The following SP6 variants were observed in gnomAD, a reference collection of about 807,000 sequenced individuals.
SP6 encodes transcription factor Sp6.
A neutral mutation model predicts 23.4 loss-of-function variants in SP6; 10 were observed. That is an observed-to-expected ratio of 0.43 (90% CI 0.26 to 0.72). SP6 has a LOEUF of 0.72. Among genes scored for constraint, SP6 ranks in the 30% least tolerant of loss-of-function variants. SP6 has a pLI of 0.23. For synonymous variants in SP6, 238 were observed against 238.7 expected (o/e 1.00, Z 0.03); for missense variants, 482 against 523.8 (o/e 0.92, Z 0.78).
chr17:47,860,700 CA>C (rs57640996), upstream of SP6, among the ~76,000 whole-genome samples: 34,135 of 109,400 alleles, frequency 0.31, 4,426 homozygotes, highest in Non-Finnish European at 0.37. Context: ...TCCGACTCTA[CA>C]AAAAAAAAAA....
At chr17:47,874,532 C>A in the SP6 span, among the ~76,000 whole-genome samples, 1 of 152,166 alleles carries the variant, frequency 6.6e-6, no homozygotes, top group Admixed American at 6.5e-5. Flanking sequence ...CAGAGCAAGA[C>A]CTCCTTTCTA....
At chr17:47,868,237 C>A in the SP6 span, among the ~76,000 whole-genome samples, 1 of 152,228 alleles carries the variant, frequency 6.6e-6, no homozygotes, top group African/African-American at 2.4e-5. Flanking sequence ...CACACACTCT[C>A]CACTCCCATT....
chr17:47,875,514 G>C, the SP6 span, among the ~76,000 whole-genome samples: 2 of 152,278 alleles, frequency 1.3e-5, no homozygotes, highest in African/African-American at 2.4e-5. Flanking sequence ...CCTGCCCTGA[G>C]AACCCACCAC....
At chr17:47,872,988 C>T in the SP6 span, among the ~76,000 whole-genome samples, 3 of 152,176 alleles carry the variant, frequency 2.0e-5, no homozygotes, top group African/African-American at 4.8e-5. Context: ...TCTGAACCCC[C>T]CTTCTCCAGC....
At chr17:47,873,887 T>TTCTTCTTCCTCCTCCCCCTCC in the SP6 span, among the ~76,000 whole-genome samples, 1 of 103,182 alleles carries the variant, frequency 9.7e-6, no homozygotes. Context: ...CCCCCTCCTC[T>TTCTTCTTCCTCCTCCCCCTCC]TCTTCTTCCT....
chr17:47,848,993 T>C lies in SP6; in HGVS notation c.-57-507A>G, dbSNP rs561383204. Among the ~76,000 whole-genome samples the C allele has an allele frequency of 2.0e-5, 3 of 152,306 alleles. No homozygotes were observed. Among genetic ancestry groups the C allele is most frequent in the African/African-American group, 4.8e-5 (2 of 41,574 alleles). On this transcript the variant is annotated intron_variant, in intron 1 of 1. Transcript: ENST00000536300. This position sits in a 1 kb window ranked among gnomAD's most constrained non-coding sequence, Gnocchi z 5.3. ...CCCTCATAAAGCCTCAAACGGGTCC[T>C]GAGTCTTTGAAAGAGTTCTCATGCC...
At chr17:47,866,974 G>A in the SP6 span, among the ~76,000 whole-genome samples, 164 of 152,152 alleles carry the variant, frequency 1.1e-3, no homozygotes, top group Non-Finnish European at 1.8e-3. Flanking sequence ...CCTGCTCATC[G>A]GACACGCCAC....
At chr17:47,860,329 A>G (rs1233621062), upstream of SP6, among the ~76,000 whole-genome samples, 1 of 152,184 alleles carries the variant, frequency 6.6e-6, no homozygotes, top group Admixed American at 6.5e-5. Context: ...CTGTGCTCCC[A>G]TAGTTCTAAA....
chr17:47,871,392 G>C, the SP6 span, among the ~76,000 whole-genome samples: 9 of 152,290 alleles, frequency 5.9e-5, no homozygotes, highest in Non-Finnish European at 1.2e-4. Flanking sequence ...TCCAAGTCCA[G>C]TCTTCATTCA....
chr17:47,869,397 T>C, the SP6 span, among the ~76,000 whole-genome samples: 2 of 152,172 alleles, frequency 1.3e-5, no homozygotes, highest in African/African-American at 4.8e-5. Flanking sequence ...CCAGTCCTCA[T>C]CCTGTTTGGG....
the SP6 span, among the ~76,000 whole-genome samples, chr17:47,866,681 C>T: frequency 6.6e-6 from 1 of 152,120 alleles, no homozygotes; most frequent in Admixed American, 6.5e-5. Context: ...GCCTTGCCCA[C>T]CCATCTTCCC....
upstream of SP6, among the ~76,000 whole-genome samples, chr17:47,859,362 T>C (rs1488142350): frequency 6.6e-6 from 1 of 152,202 alleles, no homozygotes; most frequent in African/African-American, 2.4e-5. Flanking sequence ...CATAGGCGGC[T>C]TTCTCTGCAA....
the SP6 span, among the ~76,000 whole-genome samples, chr17:47,868,145 C>A: frequency 2.5e-3 from 381 of 152,310 alleles, 1 homozygote; most frequent in African/African-American, 8.9e-3. Context: ...AGCAGGCACA[C>A]CCCACTCACT....
the SP6 span, among the ~76,000 whole-genome samples, chr17:47,872,120 T>C: frequency 6.7e-6 from 1 of 149,060 alleles, no homozygotes; most frequent in African/African-American, 2.5e-5. Context: ...TCATGGGGTG[T>C]TTTCTCCCAG....
chr17:47,854,959 C>T (rs1244537596), upstream of SP6, among the ~76,000 whole-genome samples: 3 of 152,140 alleles, frequency 2.0e-5, no homozygotes, highest in African/African-American at 7.2e-5. Flanking sequence ...CCCTCCTCTC[C>T]CCACCATACT....
At chr17:47,873,645 A>G in the SP6 span, among the ~76,000 whole-genome samples, 1 of 152,162 alleles carries the variant, frequency 6.6e-6, no homozygotes, top group Non-Finnish European at 1.5e-5. Context: ...TCCCGAGTTG[A>G]GCCCCTCCCT....
the SP6 span, among the ~76,000 whole-genome samples, chr17:47,863,736 G>GTT: frequency 1.2e-4 from 10 of 84,464 alleles, no homozygotes; most frequent in African/African-American, 5.8e-4. Context: ...GCCTAATTTT[G>GTT]TATTTTTTTT....
upstream of SP6, among the ~76,000 whole-genome samples, chr17:47,851,831 G>T (rs554460042): frequency 2.6e-5 from 4 of 150,952 alleles, no homozygotes; most frequent in East Asian, 7.8e-4. Context: ...ACCTTTCTGG[G>T]TGACCACCTC....
the SP6 span, among the ~76,000 whole-genome samples, chr17:47,874,237 C>A: frequency 2.6e-5 from 4 of 152,098 alleles, no homozygotes; most frequent in Admixed American, 2.6e-4. Context: ...CAGGCGTGCA[C>A]CACCACACCT....
Sources: gnomAD v4.1 joint callset for allele counts (sites outside exome capture counted in the v4.1 genomes callset) on GRCh38, gnomAD v4.1.1 for gene constraint, Gnocchi (gnomAD v3.1) non-coding constraint, MANE v1.5 for transcripts, NCBI Gene and HGNC (gene_info 2026-07-23, HGNC 2026-07-21) for gene names.